RERE: variants seen among roughly 807,000 people sequenced by gnomAD.
The protein encoded by RERE is arginine-glutamic acid dipeptide repeats protein.
RERE carries 40 observed loss-of-function variants against 146.1 expected under a neutral mutation model. The ratio of observed to expected loss-of-function variants is 0.27; its 90% CI spans 0.21 to 0.36. RERE has a LOEUF of 0.36. Ranked by LOEUF, RERE falls within the 10% of genes least tolerant of loss-of-function variation. The pLI, the probability that RERE is intolerant of heterozygous loss-of-function variation, is 1.00. For synonymous variants in RERE, 1,003 were observed against 866.0 expected (o/e 1.16, Z -2.78); for missense variants, 1,933 against 2,138.7 (o/e 0.90, Z 1.90).
intron 1 of RERE, among the ~76,000 whole-genome samples, chr1:8,812,645 C>T (rs1175423382): frequency 2.7e-5 from 4 of 150,456 alleles, no homozygotes; most frequent in South Asian, 2.1e-4. Context: ...GACTCCATCT[C>T]GAAAAATAAT....
At chr1:8,627,095 A>C (rs1646982108) in intron 2 of RERE, among the ~76,000 whole-genome samples, 1 of 152,134 alleles carries the variant, frequency 6.6e-6, no homozygotes, top group African/African-American at 2.4e-5. Context: ...TGATCACACC[A>C]ACCTTAGAAT....
At chr1:8,809,153 A>AC in intron 1 of RERE, among the ~76,000 whole-genome samples, 1 of 150,646 alleles carries the variant, frequency 6.6e-6, no homozygotes, top group East Asian at 1.9e-4. Context: ...AAAAAAAAAA[A>AC]AAAAAAAGTA....
rs940436527 is a variant in RERE, at chr1:8,387,531, G to T, written c.1285-21557C>A. On this transcript the variant is annotated intron_variant, in intron 12 of 22. Transcript: ENST00000400908. ...AATCATAAAAAGTGTGAAAAGATAA[G>T]CCACAAGCCAGAAGGTATTTGCAAC... 2.6e-4 allele frequency among the ~76,000 whole-genome samples: 39 copies of T among 152,148 alleles called. 1 individual carries two copies. Among genetic ancestry groups the T allele is most frequent in the African/African-American group, 9.4e-4 (39 of 41,412 alleles).
intron 11 of RERE, among the ~76,000 whole-genome samples, chr1:8,432,441 G>A (rs989185713): frequency 3.3e-5 from 5 of 152,124 alleles, no homozygotes; most frequent in Non-Finnish European, 7.4e-5. Context: ...ACAGCACGAG[G>A]CACTGAGTGA....
At chr1:8,414,674 G>C (rs1002173289) in intron 12 of RERE, among the ~76,000 whole-genome samples, 2 of 151,904 alleles carry the variant, frequency 1.3e-5, no homozygotes, top group African/African-American at 2.4e-5. Context: ...TTTCCAAAGT[G>C]GGGGGGTCGG....
At position 8,516,227 on chromosome 1, in the gene RERE, G is replaced by GAAAAAAAAAAAAAAAAAAAAAAAAA. The variant is rs58064164; in HGVS notation, c.831-7553_831-7552insTTTTTTTTTTTTTTTTTTTTTTTTT. ...GGGACGGAGCAAGACTCTCTCAGAG[G>GAAAAAAAAAAAAAAAAAAAAAAAAA]AAAAAAAAAAAAAAAAAAAAAATCT... On this transcript the variant is annotated intron_variant, in intron 7 of 22. Coordinates refer to ENST00000400908, the MANE Select transcript of RERE (RefSeq NM_001042681.2). Among the ~76,000 whole-genome samples, 13 of 52,308 alleles carry GAAAAAAAAAAAAAAAAAAAAAAAAA rather than the reference G, an allele frequency of 2.5e-4. 2 individuals are homozygous for GAAAAAAAAAAAAAAAAAAAAAAAAA. The highest frequency in any genetic ancestry group is 3.0e-4 in the Admixed American group (1 of 3,342). The allele number at this position is 52,308 out of a possible 152,430, so 34.3% of individuals were successfully genotyped here.
intron 2 of RERE, among the ~76,000 whole-genome samples, chr1:8,650,324 T>C (rs943452134): frequency 6.6e-6 from 1 of 152,238 alleles, no homozygotes; most frequent in African/African-American, 2.4e-5. Flanking sequence ...GTATCCCTGC[T>C]ATGCTCATTC....
At chr1:8,627,828 T>A (rs919040123) in intron 2 of RERE, among the ~76,000 whole-genome samples, 2 of 152,170 alleles carry the variant, frequency 1.3e-5, no homozygotes, top group African/African-American at 4.8e-5. Context: ...CAAAGTTACA[T>A]TCAAGAAAAG....
At chr1:8,808,066 C>T (rs1641723287) in intron 1 of RERE, among the ~76,000 whole-genome samples, 2 of 151,306 alleles carry the variant, frequency 1.3e-5, no homozygotes, top group South Asian at 2.1e-4. Context: ...ATCACTTGGA[C>T]CCTCAAGATC....
At chr1:8,607,978 G>A (rs568068239) in intron 4 of RERE, among the ~76,000 whole-genome samples, 51 of 152,134 alleles carry the variant, frequency 3.4e-4, no homozygotes, top group African/African-American at 1.1e-3. Flanking sequence ...CACCCACCTC[G>A]GCCTCCCAAA....
intron 1 of RERE, among the ~76,000 whole-genome samples, chr1:8,678,155 T>C (rs564756073): frequency 1.4e-4 from 22 of 152,316 alleles, no homozygotes; most frequent in African/African-American, 5.3e-4. Flanking sequence ...GTGCCACATT[T>C]ACCTCTGAAA....
intron 2 of RERE, among the ~76,000 whole-genome samples, chr1:8,644,903 A>C (rs1354554913): frequency 6.6e-6 from 1 of 152,242 alleles, no homozygotes; most frequent in Non-Finnish European, 1.5e-5. Flanking sequence ...CGAAGAAATC[A>C]GTCTATCTCT....
At chr1:8,629,816 T>C (rs1647014090) in intron 2 of RERE, among the ~76,000 whole-genome samples, 2 of 152,222 alleles carry the variant, frequency 1.3e-5, no homozygotes, top group Non-Finnish European at 2.9e-5. Flanking sequence ...CGCCTATTAA[T>C]CTTTGAAATA....
At chr1:8,375,956 A>T (rs1291869511) in intron 12 of RERE, among the ~76,000 whole-genome samples, 1 of 152,116 alleles carries the variant, frequency 6.6e-6, no homozygotes, top group African/African-American at 2.4e-5. Flanking sequence ...CTTCATCTTT[A>T]TTTATATTTT....
At chr1:8,713,329 T>C (rs1049622909) in intron 1 of RERE, among the ~76,000 whole-genome samples, 1 of 152,194 alleles carries the variant, frequency 6.6e-6, no homozygotes, top group African/African-American at 2.4e-5. Flanking sequence ...AATGTAAAAA[T>C]GACACTCTTG....
intron 2 of RERE, among the ~76,000 whole-genome samples, chr1:8,651,404 T>C (rs890398556): frequency 2.6e-5 from 4 of 152,076 alleles, no homozygotes; most frequent in Admixed American, 2.6e-4. Context: ...AGTGAGACTC[T>C]CTGTTTTTTT....
intron 1 of RERE, among the ~76,000 whole-genome samples, chr1:8,746,031 C>T (rs1364154455): frequency 3.3e-5 from 5 of 152,238 alleles, no homozygotes; most frequent in Non-Finnish European, 7.3e-5. Flanking sequence ...TGCCACTGCA[C>T]TGCAGCCTGG....
intron 1 of RERE, among the ~76,000 whole-genome samples, chr1:8,772,852 G>A (rs1273895336): frequency 6.6e-6 from 1 of 152,136 alleles, no homozygotes; most frequent in Non-Finnish European, 1.5e-5. Context: ...ACTTTGGAAG[G>A]CTGAGGCAGG....
At position 8,674,776 on chromosome 1, in the gene RERE, A is replaced by G. The variant is rs182127305; in HGVS notation, c.-144-18335T>C. Among the ~76,000 whole-genome samples, 10 of 152,370 alleles carry G rather than the reference A, an allele frequency of 6.6e-5. No homozygotes were observed. In the East Asian group the frequency reaches 1.9e-3, roughly 29 times the overall value. Reference sequence around the variant, plus strand: ...CATACTTCATTTTACAAGCAAAGTAATCATTTCATACTCCACAACCACAAA... The same window carrying G: ...CATACTTCATTTTACAAGCAAAGTAGTCATTTCATACTCCACAACCACAAA... On this transcript the variant is annotated intron_variant, in intron 1 of 22. Coordinates refer to ENST00000400908, the MANE Select transcript of RERE (RefSeq NM_001042681.2).
Sources: gnomAD v4.1 joint callset for allele counts (sites outside exome capture counted in the v4.1 genomes callset) on GRCh38, gnomAD v4.1.1 for gene constraint, MANE v1.5 for transcripts, NCBI Gene and HGNC (gene_info 2026-07-23, HGNC 2026-07-21) for gene names.